NBEA: variants seen among roughly 807,000 people sequenced by gnomAD.
The protein encoded by NBEA is lysosomal-trafficking regulator 2.
In NBEA, 44 loss-of-function variants were observed where a neutral mutation model predicts 343.4. The observed-to-expected ratio is 0.13, with a 90% CI of 0.10 to 0.16. NBEA has a LOEUF of 0.16. Ranked by LOEUF, NBEA falls within the 10% of genes least tolerant of loss-of-function variation. The pLI is 1.00. For synonymous variants in NBEA, 1,175 were observed against 1,238.7 expected, an observed-to-expected ratio of 0.95 and a Z score of 1.08; for missense variants, 2,555 against 3,631.3, an observed-to-expected ratio of 0.70 and a Z score of 7.62.
At chr13:35,388,896 T>C (rs2152897845) in intron 38 of NBEA, among the ~76,000 whole-genome samples, 1 of 152,312 alleles carries the variant, frequency 6.6e-6, no homozygotes, top group Admixed American at 6.5e-5. Context: ...AGAGGTTTCA[T>C]TTTGTCATAA....
intron 36 of NBEA, among the ~76,000 whole-genome samples, chr13:35,318,388 T>C (rs569587061): frequency 1.3e-5 from 2 of 152,240 alleles, no homozygotes; most frequent in Non-Finnish European, 2.9e-5. Flanking sequence ...TTTCTGTTTA[T>C]GTAATGGATT....
chr13:35,013,113 A>C (rs1424942683), intron 1 of NBEA, among the ~76,000 whole-genome samples: 1 of 152,222 alleles, frequency 6.6e-6, no homozygotes. Context: ...CATCACACAA[A>C]TGATATGAAA....
chr13:35,460,684 A>G (rs1268081561), intron 40 of NBEA, among the ~76,000 whole-genome samples: 1 of 152,222 alleles, frequency 6.6e-6, no homozygotes, highest in African/African-American at 2.4e-5. Flanking sequence ...GGTACTCTTA[A>G]TTGTAACAAC....
rs779023253 is a variant in NBEA at position 35,171,335 on chromosome 13, A to C, written c.4306A>C (p.Ser1436Arg). The change falls in exon 26 of 59, where the codon AGC becomes CGC. Residue 1436 changes from serine to arginine, a missense_variant. Coordinates refer to ENST00000379939, the MANE Select transcript of NBEA (RefSeq NM_001385012.1). ...AGCTGAGACAGCAGTAACTTTCCTC[A>C]GCCGGCTGATGGCTATGGTTGATGT... ...MSAETAVTFL[S>R]RLMAMVDVLV... 1.5e-5 allele frequency: 24 copies of C among 1,612,440 alleles called. No homozygotes were observed. The highest frequency in any genetic ancestry group is 2.0e-5 in the Non-Finnish European group (24 of 1,178,912).
chr13:35,436,392 C>G (rs994539559), intron 39 of NBEA, among the ~76,000 whole-genome samples: 2 of 152,154 alleles, frequency 1.3e-5, no homozygotes, highest in Non-Finnish European at 2.9e-5. Flanking sequence ...AATAATGACA[C>G]TATTTCAATT....
intron 36 of NBEA, among the ~76,000 whole-genome samples, chr13:35,339,196 C>T (rs994161448): frequency 2.6e-5 from 4 of 151,394 alleles, no homozygotes; most frequent in African/African-American, 4.9e-5. Context: ...AAATTGAAAA[C>T]GAAGAAACAA....
intron 2 of NBEA, among the ~76,000 whole-genome samples, chr13:35,044,266 T>C (rs1395529342): frequency 2.6e-5 from 4 of 152,178 alleles, no homozygotes; most frequent in Non-Finnish European, 2.9e-5. Context: ...TACCACTTGC[T>C]AGGTCTATGT....
chr13:35,499,642 A>C (rs1594814168), intron 41 of NBEA, among the ~76,000 whole-genome samples: 1 of 152,112 alleles, frequency 6.6e-6, no homozygotes, highest in Non-Finnish European at 1.5e-5. Flanking sequence ...GAGCTTCTAT[A>C]ATTACTTCAT....
chr13:35,395,701 G>A (rs1405771524), intron 38 of NBEA, among the ~76,000 whole-genome samples: 1 of 152,018 alleles, frequency 6.6e-6, no homozygotes, highest in East Asian at 1.9e-4. Flanking sequence ...TTACTAATAT[G>A]TTTGTCTACT....
intron 41 of NBEA, among the ~76,000 whole-genome samples, chr13:35,519,431 C>T (rs998933185): frequency 1.3e-5 from 2 of 152,116 alleles, no homozygotes; most frequent in Non-Finnish European, 2.9e-5. Context: ...CTTATTACTA[C>T]CCATCATGGT....
chr13:35,593,947 A>G (rs2081645108), intron 47 of NBEA, among the ~76,000 whole-genome samples: 1 of 152,144 alleles, frequency 6.6e-6, no homozygotes. Context: ...AACAATACAC[A>G]TTAGATTAAA....
At chr13:35,425,459 G>C (rs1218410857) in intron 38 of NBEA, among the ~76,000 whole-genome samples, 1 of 152,168 alleles carries the variant, frequency 6.6e-6, no homozygotes, top group Admixed American at 6.5e-5. Flanking sequence ...GAGCGGTTTT[G>C]AGTGAGTTTC....
At chr13:35,285,385 G>A (rs901311187) in intron 34 of NBEA, among the ~76,000 whole-genome samples, 2 of 152,094 alleles carry the variant, frequency 1.3e-5, no homozygotes, top group African/African-American at 4.8e-5. Context: ...GTTAGTCCTA[G>A]GCATATTTGA....
chr13:35,362,776 T>G (rs967577499), intron 38 of NBEA, among the ~76,000 whole-genome samples: 37 of 152,012 alleles, frequency 2.4e-4, no homozygotes, highest in African/African-American at 8.7e-4. Context: ...CAGTTTGATA[T>G]TCTACACTTC....
At chr13:35,030,705 T>C (rs990526384) in intron 1 of NBEA, among the ~76,000 whole-genome samples, 2 of 151,712 alleles carry the variant, frequency 1.3e-5, no homozygotes, top group African/African-American at 4.8e-5. Flanking sequence ...AGTTAGCCTC[T>C]TTAACACGAA....
At chr13:35,509,387 G>C (rs939801632) in intron 41 of NBEA, among the ~76,000 whole-genome samples, 10 of 152,192 alleles carry the variant, frequency 6.6e-5, no homozygotes, top group Non-Finnish European at 1.5e-4. Flanking sequence ...GAGAGAGAGA[G>C]AGAGAGTGAG....
chr13:35,109,203 A>C, intron 11 of NBEA, 87 bp from the exon 12 acceptor site: 2 of 1,222,372 alleles, frequency 1.6e-6, no homozygotes, highest in Non-Finnish European at 2.2e-6. Flanking sequence ...AGCATATGAA[A>C]AATTCATGTG....
chr13:35,155,961 GT>G (rs1329298036), intron 19 of NBEA, 106 bp downstream of exon 19: 11 of 1,471,166 alleles, frequency 7.5e-6, no homozygotes, highest in Non-Finnish European at 9.4e-6. Flanking sequence ...TGTTTACCTA[GT>G]TCATGACAGT....
At chr13:35,163,170 C>A (rs1021639618) in intron 23 of NBEA, among the ~76,000 whole-genome samples, 4 of 151,894 alleles carry the variant, frequency 2.6e-5, no homozygotes, top group Admixed American at 2.0e-4. Context: ...CATGAAATTA[C>A]CCAGGTAGAA....
Sources: gnomAD v4.1 joint callset for allele counts (sites outside exome capture counted in the v4.1 genomes callset) on GRCh38, gnomAD v4.1.1 for gene constraint, MANE v1.5 for transcripts, NCBI Gene and HGNC (gene_info 2026-07-23, HGNC 2026-07-21) for gene names.